Variants in ADAMTS17 observed in about 807,000 individuals in gnomAD.
The protein encoded by ADAMTS17 is ADAM metallopeptidase with thrombospondin type 1 motif 17, also known as A disintegrin and metalloproteinase with thrombospondin motifs 17.
A neutral mutation model predicts 141.5 loss-of-function variants in ADAMTS17; 113 were observed. That is an observed-to-expected ratio of 0.80 (90% confidence interval 0.69 to 0.93). The LOEUF (loss-of-function observed/expected upper bound fraction) is 0.93, where lower values mean the gene tolerates loss of function less well. Ranked by LOEUF, ADAMTS17 falls within the 40% of genes least tolerant of loss-of-function variation. The pLI, the probability that ADAMTS17 is intolerant of heterozygous loss-of-function variation, is 0.00. For missense variants in ADAMTS17, 1,659 were observed against 1,517.9 expected (o/e 1.09, Z -1.54); for synonymous variants, 768 against 630.6 (o/e 1.22, Z -3.27).
chr15:100,035,874 G>A (rs1170206140), intron 18 of ADAMTS17, among the ~76,000 whole-genome samples: 3 of 152,166 alleles, frequency 2.0e-5, no homozygotes, highest in African/African-American at 7.2e-5. Flanking sequence ...CCAAGTTATT[G>A]CTGAAATAAC....
intron 14 of ADAMTS17, among the ~76,000 whole-genome samples, chr15:100,100,411 C>T (rs928148573): frequency 6.6e-6 from 1 of 152,204 alleles, no homozygotes; most frequent in African/African-American, 2.4e-5. Flanking sequence ...CCCCTCACTC[C>T]ACCCTGGCTC....
intron 8 of ADAMTS17, among the ~76,000 whole-genome samples, chr15:100,191,190 G>A (rs1016849653): frequency 6.6e-6 from 1 of 152,198 alleles, no homozygotes; most frequent in African/African-American, 2.4e-5. Flanking sequence ...TTTTAGGCAA[G>A]GGAATCTACC....
chr15:100,219,340 T>C (rs113809544), intron 7 of ADAMTS17, among the ~76,000 whole-genome samples: 78 of 152,346 alleles, frequency 5.1e-4, no homozygotes, highest in African/African-American at 1.8e-3. Flanking sequence ...GTAAACTTTA[T>C]GGTATGCAAA....
intron 15 of ADAMTS17, among the ~76,000 whole-genome samples, chr15:100,074,932 T>C (rs2034261356): frequency 6.6e-6 from 1 of 152,200 alleles, no homozygotes; most frequent in South Asian, 2.1e-4. Context: ...ATATTTGTAC[T>C]TTCCTACCCC....
At chr15:100,113,100 C>G (rs1326902610) in intron 13 of ADAMTS17, among the ~76,000 whole-genome samples, 3 of 152,146 alleles carry the variant, frequency 2.0e-5, no homozygotes, top group African/African-American at 7.2e-5. Context: ...CAACCCGGCC[C>G]CCTCATCAGT....
intron 20 of ADAMTS17, among the ~76,000 whole-genome samples, chr15:99,981,724 T>G (rs2727207): frequency 1.1e-4 from 17 of 152,184 alleles, no homozygotes; most frequent in African/African-American, 3.9e-4. Flanking sequence ...TACCATGTCA[T>G]CATATGGTTT....
At chr15:100,010,391 C>T (rs1263532834) in intron 18 of ADAMTS17, among the ~76,000 whole-genome samples, 1 of 152,212 alleles carries the variant, frequency 6.6e-6, no homozygotes. Context: ...CAGGCATGCA[C>T]ATCCCTTCCT....
At chr15:100,131,576 G>C (rs978758293) in intron 12 of ADAMTS17, among the ~76,000 whole-genome samples, 2 of 152,106 alleles carry the variant, frequency 1.3e-5, no homozygotes, top group Non-Finnish European at 1.5e-5. Context: ...AGTTACAGGA[G>C]GACCCATGGC....
intron 14 of ADAMTS17, among the ~76,000 whole-genome samples, chr15:100,097,060 C>T (rs1349600366): frequency 6.6e-6 from 1 of 152,206 alleles, no homozygotes; most frequent in African/African-American, 2.4e-5. Flanking sequence ...CATACCTTTT[C>T]AACAAGGCAC....
chr15:100,124,164 T>C (rs9673059), intron 12 of ADAMTS17, among the ~76,000 whole-genome samples: 139,730 of 152,082 alleles, frequency 0.92, 64,515 homozygotes, highest in Non-Finnish European at 0.96. Flanking sequence ...TGGGGTCTCA[T>C]CATGCTGGCC....
chr15:100,042,072 C>T (rs1393043711), intron 18 of ADAMTS17, among the ~76,000 whole-genome samples: 3 of 152,178 alleles, frequency 2.0e-5, no homozygotes, highest in Non-Finnish European at 4.4e-5. Flanking sequence ...ACTCATGCCA[C>T]CCCATCTGAA....
At chr15:100,136,449 A>T (rs937329736) in intron 10 of ADAMTS17, among the ~76,000 whole-genome samples, 2 of 152,182 alleles carry the variant, frequency 1.3e-5, no homozygotes, top group Non-Finnish European at 2.9e-5. Flanking sequence ...TTCACTACTG[A>T]ACAGATGCGG....
At chr15:100,005,135 T>G (rs1325859186) in intron 18 of ADAMTS17, among the ~76,000 whole-genome samples, 1 of 152,246 alleles carries the variant, frequency 6.6e-6, no homozygotes, top group East Asian at 1.9e-4. Flanking sequence ...CCTGCGACTC[T>G]GCTTCCTTTC....
chr15:100,149,045 G>A (rs1297135110), intron 10 of ADAMTS17, among the ~76,000 whole-genome samples: 1 of 152,244 alleles, frequency 6.6e-6, no homozygotes, highest in Admixed American at 6.5e-5. Context: ...GCACACGCCT[G>A]CACCAGGAAG....
intron 15 of ADAMTS17, among the ~76,000 whole-genome samples, chr15:100,061,352 C>A (rs187144348): frequency 1.3e-5 from 2 of 152,148 alleles, no homozygotes; most frequent in Non-Finnish European, 2.9e-5. Flanking sequence ...GACCTTGCAG[C>A]CCATTTAGGG....
intron 18 of ADAMTS17, among the ~76,000 whole-genome samples, chr15:100,032,107 A>G (rs918902444): frequency 6.6e-6 from 1 of 152,144 alleles, no homozygotes; most frequent in Non-Finnish European, 1.5e-5. Context: ...AACGGGTATC[A>G]AAGGTTTAGT....
chr15:100,277,100 T>C (rs1298277421), intron 4 of ADAMTS17, among the ~76,000 whole-genome samples: 1 of 152,126 alleles, frequency 6.6e-6, no homozygotes, highest in East Asian at 1.9e-4. Flanking sequence ...AAACCCCAAG[T>C]ATAGACGACA....
intron 7 of ADAMTS17, among the ~76,000 whole-genome samples, chr15:100,250,488 T>C (rs2043120230): frequency 6.6e-6 from 1 of 152,166 alleles, no homozygotes; most frequent in African/African-American, 2.4e-5. Flanking sequence ...AAACTGATAT[T>C]GGGATGAGAA....
chr15:100,290,198 C>T (rs2044583425), intron 3 of ADAMTS17, among the ~76,000 whole-genome samples: 1 of 152,116 alleles, frequency 6.6e-6, no homozygotes, highest in African/African-American at 2.4e-5. Context: ...AAATCAGTAG[C>T]ATTTCTATAT....
Sources: allele counts gnomAD v4.1 joint callset (sites outside exome capture counted in the v4.1 genomes callset), GRCh38; gene constraint gnomAD v4.1.1; transcripts MANE v1.5; gene names NCBI Gene and HGNC (gene_info 2026-07-23, HGNC 2026-07-21).